The following SNAPC1 variants were observed in gnomAD, a reference collection of about 807,000 sequenced individuals.
SNAPC1 encodes the protein snRNA-activating protein complex subunit 1.
A neutral mutation model predicts 50.1 loss-of-function variants in SNAPC1; 42 were observed. That is an observed-to-expected ratio of 0.84 (90% CI 0.65 to 1.08). The LOEUF (loss-of-function observed/expected upper bound fraction) is 1.08. Among genes scored for constraint, SNAPC1 ranks in the 50% least tolerant of loss-of-function variants. The pLI is 0.00. For missense variants in SNAPC1, 477 were observed against 427.3 expected (o/e 1.12, Z -1.02); for synonymous variants, 164 against 144.2 (o/e 1.14, Z -0.98).
intron 8 of SNAPC1, among the ~76,000 whole-genome samples, chr14:61,790,775 G>C (rs893061465): frequency 1.3e-5 from 2 of 151,954 alleles, no homozygotes; most frequent in African/African-American, 4.8e-5. Context: ...TACCTCCCAG[G>C]TCACTGGAGG....
At chr14:61,789,366 C>T (rs1203521086) in intron 8 of SNAPC1, among the ~76,000 whole-genome samples, 1 of 151,742 alleles carries the variant, frequency 6.6e-6, no homozygotes, top group African/African-American at 2.4e-5. Context: ...GATCTCGTTT[C>T]TATTAATAAA....
chr14:61,767,443 G>T (rs2044956538), intron 3 of SNAPC1, 91 bp downstream of exon 3: 9 of 717,606 alleles, frequency 1.3e-5, no homozygotes, highest in Non-Finnish European at 1.8e-5. Flanking sequence ...AATGGAATAA[G>T]TATTGATAGT....
At chr14:61,765,959 G>C (rs1352424289) in intron 1 of SNAPC1, among the ~76,000 whole-genome samples, 1 of 152,156 alleles carries the variant, frequency 6.6e-6, no homozygotes, top group Non-Finnish European at 1.5e-5. Flanking sequence ...AGGAGATTTA[G>C]TGCAAATCCC....
rs1455261152 is a variant in SNAPC1, at chr14:61,795,538, T to C, written c.*555T>C. ...CTTAGGAAGTTCACAATGTATTTTCTACTTCTGCAATTAAATATTCTTTAG... is the reference window on the plus strand; with the variant it reads ...CTTAGGAAGTTCACAATGTATTTTCCACTTCTGCAATTAAATATTCTTTAG... On this transcript the variant is annotated 3_prime_UTR_variant, in exon 10 of 10. Coordinates refer to ENST00000216294, the MANE Select transcript of SNAPC1 (RefSeq NM_003082.4). 6.6e-6 allele frequency: 1 copy of C among 152,524 alleles called. No individual in the cohort carries two copies. The highest frequency in any genetic ancestry group is 2.1e-4 in the South Asian group (1 of 4,836). 9.4% of individuals were successfully genotyped at this position (152,524 alleles called of 1,614,324 possible). A position where few individuals can be genotyped will look rare whatever the true frequency, so the allele number is the denominator to read the frequency against.
rs1379840685 is a variant in SNAPC1, at chr14:61,766,931, G to A, written c.184G>A (p.Ala62Thr). 1 of 1,611,690 alleles carries A rather than the reference G, an allele frequency of 6.2e-7. No individual in the cohort carries two copies. The highest frequency in any genetic ancestry group is 2.2e-5 in the East Asian group (1 of 44,814). ...GTTTACAAAAGAAGCTTTAGCTTTG[G>A]CTTGGCGATATTTTTTACCTCCATA... ...NMFTKEALALAWRYFLPPYTF... is the reference protein window; with the variant it reads ...NMFTKEALALTWRYFLPPYTF... Residue 62 changes from alanine to threonine, a missense_variant, in exon 2 of 10, where the codon GCT (alanine) becomes ACT (threonine). Transcript: ENST00000216294.
At chr14:61,769,988 T>A (rs908244655) in intron 4 of SNAPC1, among the ~76,000 whole-genome samples, 1 of 152,202 alleles carries the variant, frequency 6.6e-6, no homozygotes, top group Non-Finnish European at 1.5e-5. Flanking sequence ...AAATTTTCTT[T>A]AAGCCTAAAT....
Position 61,762,981 on chromosome 14 carries a change from CTTTTTTTT to C in SNAPC1, c.128+413_128+420del, listed in dbSNP as rs145378546. Among the ~76,000 whole-genome samples, 96 of 73,032 alleles carry C rather than the reference CTTTTTTTT, an allele frequency of 1.3e-3. 1 individual carries two copies. In the South Asian group the frequency reaches 0.015, roughly 11 times the overall value. The allele number at this position is 73,032 out of a possible 152,430, so 47.9% of individuals were successfully genotyped here. A position where few individuals can be genotyped will look rare whatever the true frequency, so the allele number is the denominator to read the frequency against. ...TTTTTCCTCCAACAACCAAAGTTGT[CTTTTTTTT>C]TTTTTTTTTTTTTTTTTTTGAGACG... On this transcript the variant is annotated intron_variant, in intron 1 of 9. Transcript: ENST00000216294.
chr14:61,795,043 T>C lies in SNAPC1; in HGVS notation c.*60T>C. ...TTCTGACAGAAGAAAAGATTGATAT[T>C]TTGTGTATTGAACAGGAAGACTGCC... On this transcript the variant is annotated 3_prime_UTR_variant, in exon 10 of 10. Coordinates refer to ENST00000216294, the MANE Select transcript of SNAPC1 (RefSeq NM_003082.4). The C allele has an allele frequency of 2.6e-6, 3 of 1,172,270 alleles. No homozygotes were observed. The highest frequency in any genetic ancestry group is 3.7e-6 in the Non-Finnish European group (3 of 815,004). The allele number at this position is 1,172,270 out of a possible 1,614,324, so 72.6% of individuals were successfully genotyped here. A position where few individuals can be genotyped will look rare whatever the true frequency, so the allele number is the denominator to read the frequency against.
At chr14:61,785,266 G>T (rs974965251) in intron 8 of SNAPC1, among the ~76,000 whole-genome samples, 1 of 152,186 alleles carries the variant, frequency 6.6e-6, no homozygotes, top group African/African-American at 2.4e-5. Flanking sequence ...GCTGGGCTTG[G>T]TGGCACATGC....
chr14:61,774,165 C>CTTT (rs377461957), intron 4 of SNAPC1, among the ~76,000 whole-genome samples: 1 of 136,404 alleles, frequency 7.3e-6, no homozygotes, highest in Non-Finnish European at 1.6e-5. Context: ...TTTTCTTCTT[C>CTTT]TTTTTTTTTT....
intron 4 of SNAPC1, among the ~76,000 whole-genome samples, chr14:61,775,243 C>T (rs2045025967): frequency 6.6e-6 from 1 of 151,874 alleles, no homozygotes; most frequent in Admixed American, 6.6e-5. Context: ...ATAAATCACC[C>T]TCTATTTCTT....
chr14:61,774,091 A>G (rs1017564951), intron 4 of SNAPC1, among the ~76,000 whole-genome samples: 1 of 151,842 alleles, frequency 6.6e-6, no homozygotes, highest in Non-Finnish European at 1.5e-5. Flanking sequence ...TACAGACACT[A>G]TGTTTGAATG....
In SNAPC1 at chr14:61,762,532, A is replaced by G; in HGVS notation, c.72A>G (p.Val24=). Residue 24 remains valine, a synonymous_variant, in exon 1 of 10, where the codon GTA becomes GTG. Coordinates refer to ENST00000216294, the MANE Select transcript of SNAPC1 (RefSeq NM_003082.4). ...LLSRFQETDS[V]RFEDFTELWR... The stretch of plus-strand genomic sequence containing the variant: ...GCCGCTTCCAGGAGACGGACAGTGT[A>G]CGCTTCGAGGACTTCACGGAGCTCT... 6.8e-7 allele frequency: 1 copy of G among 1,463,574 alleles called. No homozygotes were observed. The highest frequency in any genetic ancestry group is 9.0e-7 in the Non-Finnish European group (1 of 1,105,182). The allele number at this position is 1,463,574 out of a possible 1,614,324, so 90.7% of individuals were successfully genotyped here. A position where few individuals can be genotyped will look rare whatever the true frequency, so the allele number is the denominator to read the frequency against.
intron 4 of SNAPC1, among the ~76,000 whole-genome samples, chr14:61,773,397 G>GCT (rs755107827): frequency 1.0e-5 from 1 of 99,324 alleles, no homozygotes; most frequent in South Asian, 3.9e-4. Context: ...TATTTCCTTA[G>GCT]TTTTTTTTTT....
In SNAPC1 at chr14:61,780,130, T is replaced by C. The variant is rs188834432; in HGVS notation, c.825+1220T>C. Among the ~76,000 whole-genome samples the C allele has an allele frequency of 9.8e-4, 150 of 152,306 alleles. 1 individual carries two copies. Among genetic ancestry groups the C allele is most frequent in the Middle Eastern group, 3.4e-3 (1 of 294 alleles). On this transcript the variant is annotated intron_variant, in intron 7 of 9. Transcript: ENST00000216294. ...GATTTCTTTGTCTTGGAGCTAGTTA[T>C]TTAGAGAGCAATCTTTCACTCCCTT...
intron 9 of SNAPC1, among the ~76,000 whole-genome samples, 166 bp from the exon 10 acceptor site, chr14:61,794,783 G>C (rs553074421): frequency 6.6e-6 from 1 of 152,242 alleles, no homozygotes; most frequent in South Asian, 2.1e-4. Flanking sequence ...TTTTTTTGTT[G>C]TGTCTTTGCT....
rs1483023401 is a variant in SNAPC1, at chr14:61,782,271, C to G, written c.850C>G (p.Gln284Glu). 1 of 1,602,108 alleles carries G rather than the reference C, an allele frequency of 6.2e-7. No homozygotes were observed. Among genetic ancestry groups the G allele is most frequent in the African/African-American group, 1.3e-5 (1 of 74,238 alleles). ...IQASKSRRHR[Q>E]VKLDSSDSDS... ...GGCATCCAAATCAAGAAGGCATCGTCAAGTCAAACTCGACTCTTCTGACTC... is the reference window on the plus strand; with the variant it reads ...GGCATCCAAATCAAGAAGGCATCGTGAAGTCAAACTCGACTCTTCTGACTC... The change falls in exon 8 of 10, where the codon CAA becomes GAA. Residue 284 changes from glutamine to glutamate, a missense_variant. Transcript: ENST00000216294.
chr14:61,791,804 A>G (rs1446841508), intron 8 of SNAPC1, among the ~76,000 whole-genome samples: 1 of 152,064 alleles, frequency 6.6e-6, no homozygotes, highest in African/African-American at 2.4e-5. Flanking sequence ...AGCTGGGATT[A>G]CGCCACTGTA....
At chr14:61,764,628 A>G (rs2044933560) in intron 1 of SNAPC1, among the ~76,000 whole-genome samples, 1 of 152,224 alleles carries the variant, frequency 6.6e-6, no homozygotes. Flanking sequence ...GAAACTATGT[A>G]TCTGCCTGTT....
Sources: gnomAD v4.1 joint callset for allele counts (sites outside exome capture counted in the v4.1 genomes callset) on GRCh38, gnomAD v4.1.1 for gene constraint, MANE v1.5 for transcripts, NCBI Gene and HGNC (gene_info 2026-07-23, HGNC 2026-07-21) for gene names.